CFAP54: variants seen among roughly 807,000 people sequenced by gnomAD.
The protein encoded by CFAP54 is cilia and flagella associated protein 54.
CFAP54 carries 290 observed loss-of-function variants against 370.4 expected under a neutral mutation model. The observed-to-expected ratio is 0.78, with a 90% CI of 0.71 to 0.86. The LOEUF is 0.86. Among genes scored for constraint, CFAP54 ranks in the 40% least tolerant of loss-of-function variants. The probability of loss-of-function intolerance (pLI) is 0.00; values close to 1 mark genes in which losing one functional copy is unlikely to be tolerated. For synonymous variants in CFAP54, 1,206 were observed against 1,236.5 expected, an observed-to-expected ratio of 0.98 and a Z score of 0.52; for missense variants, 3,399 against 3,528.7, an observed-to-expected ratio of 0.96 and a Z score of 0.93.
intron 61 of CFAP54, among the ~76,000 whole-genome samples, chr12:96,785,443 G>T (rs1958619528): frequency 6.6e-6 from 1 of 152,136 alleles, no homozygotes; most frequent in South Asian, 2.1e-4. Flanking sequence ...TGGTGATCCA[G>T]TGTTGCCCAT....
chr12:96,636,641 A>G (rs1956666767), intron 32 of CFAP54, among the ~76,000 whole-genome samples: 2 of 151,904 alleles, frequency 1.3e-5, no homozygotes, highest in African/African-American at 4.8e-5. Flanking sequence ...TATGTTTATT[A>G]CTTTCTATCT....
intron 50 of CFAP54, among the ~76,000 whole-genome samples, chr12:96,721,118 T>C (rs1447113779): frequency 6.6e-6 from 1 of 152,198 alleles, no homozygotes; most frequent in Non-Finnish European, 1.5e-5. Flanking sequence ...AAATTAACAA[T>C]GCTTTGATTT....
intron 19 of CFAP54, among the ~76,000 whole-genome samples, chr12:96,572,496 A>G (rs10860056): frequency 0.55 from 82,924 of 151,600 alleles, 23,160 homozygotes; most frequent in East Asian, 0.75. Context: ...TATGAGAGAG[A>G]GAAAGAGTAG....
intron 67 of CFAP54, among the ~76,000 whole-genome samples, chr12:96,869,041 A>G (rs540831327): frequency 2.9e-4 from 44 of 152,364 alleles, no homozygotes; most frequent in Non-Finnish European, 5.3e-4. Context: ...CACATTTTAT[A>G]GATCATTTCA....
At chr12:96,861,806 C>T (rs1442353447) in intron 67 of CFAP54, among the ~76,000 whole-genome samples, 1 of 152,132 alleles carries the variant, frequency 6.6e-6, no homozygotes, top group Non-Finnish European at 1.5e-5. Flanking sequence ...GTGCTGGGAG[C>T]ATTGTTTCCC....
intron 20 of CFAP54, among the ~76,000 whole-genome samples, chr12:96,579,658 C>A (rs1351380756): frequency 6.6e-6 from 1 of 151,924 alleles, no homozygotes. Flanking sequence ...CAGTCATGAC[C>A]CCTATAACCC....
intron 63 of CFAP54, among the ~76,000 whole-genome samples, chr12:96,805,586 C>A (rs566415836): frequency 5.8e-4 from 75 of 128,590 alleles, no homozygotes; most frequent in South Asian, 5.4e-3. Flanking sequence ...AAAAAAAAAA[C>A]CAGATATTGG....
chr12:96,746,656 CT>C, intron 55 of CFAP54, among the ~76,000 whole-genome samples: 1 of 152,278 alleles, frequency 6.6e-6, no homozygotes, highest in East Asian at 1.9e-4. Context: ...GCTTAAAAGG[CT>C]TCTTATGATG....
At chr12:96,799,821 T>C (rs1051516433) in intron 63 of CFAP54, among the ~76,000 whole-genome samples, 1 of 152,174 alleles carries the variant, frequency 6.6e-6, no homozygotes, top group Non-Finnish European at 1.5e-5. Flanking sequence ...TCAAGGAGTA[T>C]AGTGAATCAT....
chr12:96,769,203 G>A (rs1958431713), intron 60 of CFAP54, among the ~76,000 whole-genome samples: 1 of 152,058 alleles, frequency 6.6e-6, no homozygotes, highest in African/African-American at 2.4e-5. Flanking sequence ...TGATTTTCTT[G>A]TGGCCTTGAT....
At chr12:96,789,645 T>C (rs1343221058) in intron 62 of CFAP54, among the ~76,000 whole-genome samples, 3 of 152,234 alleles carry the variant, frequency 2.0e-5, no homozygotes, top group Non-Finnish European at 4.4e-5. Flanking sequence ...TCATTACCCA[T>C]TTCCTAAAGA....
intron 26 of CFAP54, among the ~76,000 whole-genome samples, chr12:96,621,017 A>T (rs2136465205): frequency 6.6e-6 from 1 of 152,332 alleles, no homozygotes; most frequent in African/African-American, 2.4e-5. Flanking sequence ...GTATTAGGGG[A>T]TGTGAGAGGC....
chr12:96,609,418 G>A (rs937387301), intron 26 of CFAP54, among the ~76,000 whole-genome samples: 5 of 152,064 alleles, frequency 3.3e-5, no homozygotes, highest in African/African-American at 1.2e-4. Context: ...TAATAAATTA[G>A]GAAAGGAAAG....
chr12:96,863,919 C>T (rs1733371805), intron 67 of CFAP54, among the ~76,000 whole-genome samples: 1 of 152,066 alleles, frequency 6.6e-6, no homozygotes, highest in South Asian at 2.1e-4. Context: ...GTAACAGTTT[C>T]CCCGTTTTAA....
At chr12:96,562,178 C>T (rs1955822527) in intron 17 of CFAP54, among the ~76,000 whole-genome samples, 1 of 152,132 alleles carries the variant, frequency 6.6e-6, no homozygotes, top group African/African-American at 2.4e-5. Flanking sequence ...ATTGAGCATT[C>T]TGGTTCGTAA....
chr12:96,863,106 T>C (rs1330606349), intron 67 of CFAP54, among the ~76,000 whole-genome samples: 1 of 152,180 alleles, frequency 6.6e-6, no homozygotes, highest in African/African-American at 2.4e-5. Flanking sequence ...GCTTGTACTA[T>C]TTTTATAGAA....
intron 44 of CFAP54, among the ~76,000 whole-genome samples, chr12:96,692,228 T>G (rs1178041885): frequency 6.6e-6 from 1 of 152,210 alleles, no homozygotes; most frequent in African/African-American, 2.4e-5. Context: ...ATTTAACACT[T>G]GGCAGACTTG....
chr12:96,519,537 CA>C (rs1188682359), intron 6 of CFAP54, among the ~76,000 whole-genome samples: 1 of 152,156 alleles, frequency 6.6e-6, no homozygotes, highest in Non-Finnish European at 1.5e-5. Context: ...TTGGCTTTTC[CA>C]TTGTTTTTCT....
At chr12:96,806,159 A>AATATATAT (rs548500750) in intron 63 of CFAP54, among the ~76,000 whole-genome samples, 48 of 27,858 alleles carry the variant, frequency 1.7e-3, no homozygotes, top group Non-Finnish European at 2.7e-3. Context: ...TCACTAGCCA[A>AATATATAT]ATATATATAT....
Sources: gnomAD v4.1 joint callset for allele counts (sites outside exome capture counted in the v4.1 genomes callset) on GRCh38, gnomAD v4.1.1 for gene constraint, MANE v1.5 for transcripts, NCBI Gene and HGNC (gene_info 2026-07-23, HGNC 2026-07-21) for gene names.